The following KCNQ3 variants were observed in gnomAD, a reference collection of about 807,000 sequenced individuals.
KCNQ3 encodes the protein potassium voltage-gated channel subfamily KQT member 3.
A neutral mutation model predicts 92.5 loss-of-function variants in KCNQ3; 30 were observed. The ratio of observed to expected loss-of-function variants is 0.32; its 90% CI spans 0.24 to 0.44. KCNQ3 has a LOEUF of 0.44. Among genes scored for constraint, KCNQ3 ranks in the 20% least tolerant of loss-of-function variants. KCNQ3 has a pLI of 1.00. For missense variants in KCNQ3, 913 were observed against 1,140.3 expected, an observed-to-expected ratio of 0.80 and a Z score of 2.87; for synonymous variants, 450 against 468.8, an observed-to-expected ratio of 0.96 and a Z score of 0.52.
chr8:132,395,628 G>A (rs1417402325), intron 1 of KCNQ3, among the ~76,000 whole-genome samples: 2 of 152,216 alleles, frequency 1.3e-5, no homozygotes, highest in East Asian at 1.9e-4. Flanking sequence ...ACAACATGTT[G>A]TGTTTATCCA....
intron 1 of KCNQ3, among the ~76,000 whole-genome samples, chr8:132,346,533 A>G (rs893042706): frequency 1.3e-5 from 2 of 152,212 alleles, no homozygotes; most frequent in South Asian, 4.1e-4. Flanking sequence ...ACCACTCTCC[A>G]TCACAGCTAA....
In KCNQ3 at chr8:132,344,431, T is replaced by A. The variant is rs574320769; in HGVS notation, c.386+135716A>T. ...TTTGCCTCCACTTATTAGACCTGAA[T>A]AAGACAGACATTTAGTGAGTTTGTT... On this transcript the variant is annotated intron_variant, in intron 1 of 14. Transcript: ENST00000388996. Among the ~76,000 whole-genome samples the A allele has an allele frequency of 2.0e-5, 3 of 152,334 alleles. No individual in the cohort carries two copies. The East Asian group carries it at 5.8e-4, about 29-fold the overall frequency.
At chr8:132,287,654 A>G (rs1310062819) in intron 1 of KCNQ3, among the ~76,000 whole-genome samples, 3 of 152,216 alleles carry the variant, frequency 2.0e-5, no homozygotes, top group African/African-American at 7.2e-5. Flanking sequence ...AATTTGGTGG[A>G]TCATTATGCT....
intron 1 of KCNQ3, among the ~76,000 whole-genome samples, chr8:132,390,762 G>A (rs1820029718): frequency 6.6e-6 from 1 of 152,146 alleles, no homozygotes; most frequent in African/African-American, 2.4e-5. Flanking sequence ...ACACCATGAA[G>A]GGTTTGGAGT....
chr8:132,337,516 A>C (rs1232764070), intron 1 of KCNQ3, among the ~76,000 whole-genome samples: 3 of 152,034 alleles, frequency 2.0e-5, no homozygotes, highest in Non-Finnish European at 4.4e-5. Context: ...CAAAAACAAA[A>C]ACAAACAAAC....
chr8:132,474,211 C>T (rs763068610), intron 1 of KCNQ3, among the ~76,000 whole-genome samples: 2 of 152,184 alleles, frequency 1.3e-5, no homozygotes, highest in African/African-American at 2.4e-5. Context: ...GATCCCTATT[C>T]AGAATTAACT....
Position 132,128,506 on chromosome 8 carries a change from T to G in KCNQ3, c.*756A>C, listed in dbSNP as rs1287497925. On this transcript the variant is annotated 3_prime_UTR_variant, in exon 15 of 15. Transcript: ENST00000388996. ...AATTGGAAACTATTTTAACTTTGTG[T>G]ATGTGTGTGTGTGTGTGTGTGTGTG... The G allele has an allele frequency of 8.6e-6, 1 of 115,874 alleles. No homozygotes were observed. Among genetic ancestry groups the G allele is most frequent in the African/African-American group, 3.2e-5 (1 of 31,238 alleles). 7.2% of individuals were successfully genotyped at this position (115,874 alleles called of 1,614,324 possible).
chr8:132,465,344 T>C (rs1176986624), intron 1 of KCNQ3, among the ~76,000 whole-genome samples: 1 of 152,232 alleles, frequency 6.6e-6, no homozygotes, highest in African/African-American at 2.4e-5. Context: ...AAGTTGTCCA[T>C]GCTTATTTAA....
chr8:132,149,562 T>C lies in KCNQ3; in HGVS notation c.1263-8231A>G, dbSNP rs114207937. 4.8e-3 allele frequency among the ~76,000 whole-genome samples: 729 copies of C among 152,346 alleles called. 5 individuals are homozygous for C. Among genetic ancestry groups the C allele is most frequent in the African/African-American group, 0.017 (702 of 41,576 alleles). On this transcript the variant is annotated intron_variant, in intron 9 of 14. Transcript: ENST00000388996. Reference sequence around the variant, plus strand: ...AATGGGGACCCAAAACCTTTAACTTTTGCTTCTGAGCCTTTTGGTTCTATG... The same window carrying C: ...AATGGGGACCCAAAACCTTTAACTTCTGCTTCTGAGCCTTTTGGTTCTATG...
intron 1 of KCNQ3, among the ~76,000 whole-genome samples, chr8:132,389,041 T>C (rs1453097328): frequency 6.6e-6 from 1 of 152,216 alleles, no homozygotes; most frequent in East Asian, 1.9e-4. Flanking sequence ...CAAAAATAAA[T>C]TCCAGTTTGA....
At chr8:132,376,384 T>C (rs1819609918) in intron 1 of KCNQ3, among the ~76,000 whole-genome samples, 2 of 152,200 alleles carry the variant, frequency 1.3e-5, no homozygotes, top group Non-Finnish European at 2.9e-5. Flanking sequence ...AATTGTGCAT[T>C]TAACTAAGTG....
chr8:132,369,424 C>G (rs1046809361), intron 1 of KCNQ3, among the ~76,000 whole-genome samples: 2 of 151,926 alleles, frequency 1.3e-5, no homozygotes, highest in African/African-American at 4.8e-5. Context: ...GCAACGATGC[C>G]CCAGTAGCAA....
In KCNQ3 at chr8:132,480,516, C is replaced by A; in HGVS notation, c.17G>T (p.Arg6Leu). 1.7e-6 allele frequency: 2 copies of A among 1,157,132 alleles called. No homozygotes were observed. The highest frequency in any genetic ancestry group is 2.8e-5 in the South Asian group (1 of 35,382). The allele number at this position is 1,157,132 out of a possible 1,614,324, so 71.7% of individuals were successfully genotyped here. MGLKARRAAGAAGGGG... is the reference protein window; with the variant it reads MGLKALRAAGAAGGGG... ...GCCGCCAGCCGCCCCCGCCGCCCTG[C>A]GCGCCTTGAGCCCCATCTGCCTCGC... Residue 6 changes from arginine (R) to leucine (L), a missense_variant, in exon 1 of 15, where the codon CGC becomes CTC. By Grantham distance (102) the Arg-to-Leu change is moderately radical. Coordinates refer to ENST00000388996, the MANE Select transcript of KCNQ3 (RefSeq NM_004519.4).
intron 1 of KCNQ3, among the ~76,000 whole-genome samples, chr8:132,346,171 C>A (rs894239623): frequency 1.3e-5 from 2 of 152,092 alleles, no homozygotes; most frequent in African/African-American, 4.8e-5. Context: ...TATGTCAGGG[C>A]ATGACCATCA....
chr8:132,346,220 C>G (rs1465269736), intron 1 of KCNQ3, among the ~76,000 whole-genome samples: 1 of 152,154 alleles, frequency 6.6e-6, no homozygotes, highest in Non-Finnish European at 1.5e-5. Flanking sequence ...CTCATATGAG[C>G]TAATCTACAA....
chr8:132,148,081 G>A lies in KCNQ3; in HGVS notation c.1263-6750C>T, dbSNP rs1049074434. Among the ~76,000 whole-genome samples, 4 of 152,234 alleles carry A rather than the reference G, an allele frequency of 2.6e-5. No homozygotes were observed. The South Asian group carries it at 6.2e-4, about 24-fold the overall frequency. On this transcript the variant is annotated intron_variant, in intron 9 of 14. Transcript: ENST00000388996. ...CTCTAAGAAAAGACTATAAATGAAA[G>A]TTGCTGTCAGTGCTTATTTCTTAAG...
intron 1 of KCNQ3, among the ~76,000 whole-genome samples, chr8:132,437,277 C>CAA (rs61160384): frequency 5.5e-4 from 73 of 132,872 alleles, no homozygotes; most frequent in African/African-American, 1.9e-3. Flanking sequence ...GACTCCGTCT[C>CAA]AAAAAAAAAA....
intron 1 of KCNQ3, among the ~76,000 whole-genome samples, chr8:132,387,959 A>G (rs1563890401): frequency 6.6e-6 from 1 of 151,684 alleles, no homozygotes; most frequent in South Asian, 2.1e-4. Flanking sequence ...GAAGGAGAAG[A>G]AGAAGAAGAA....
rs549681789 is a variant in KCNQ3, at chr8:132,480,340, C to A, written c.193G>T (p.Gly65Trp). The A allele has an allele frequency of 3.1e-6, 5 of 1,597,390 alleles. No individual in the cohort carries two copies. The highest frequency in any genetic ancestry group is 4.3e-6 in the Non-Finnish European group (5 of 1,175,076). The change falls in exon 1 of 15, where the codon GGG becomes TGG. Residue 65 changes from glycine to tryptophan, a missense_variant. Around this residue, in one of 6 missense-constraint regions of KCNQ3, gnomAD observed 183 missense variants for 167.7 expected, o/e 1.09. Transcript: ENST00000388996. ...LALGAGADKD[G>W]TLLLEGGGRD... ...CCGCCGCCCTCCAGCAGCAGGGTCC[C>A]GTCTTTGTCGGCTCCGGCCCCGAGC...
Sources: gnomAD v4.1 joint callset for allele counts (sites outside exome capture counted in the v4.1 genomes callset) on GRCh38, gnomAD v4.1.1 for gene constraint, gnomAD v4.1.1 regional missense constraint, MANE v1.5 for transcripts, NCBI Gene and HGNC (gene_info 2026-07-23, HGNC 2026-07-21) for gene names.